C1R: variants seen among roughly 807,000 people sequenced by gnomAD.
The protein encoded by C1R is complement C1r, also known as complement C1r subcomponent.
In C1R, 15 loss-of-function variants were observed where a neutral mutation model predicts 27.6. The observed-to-expected ratio is 0.54, with a 90% CI of 0.36 to 0.84. The LOEUF (loss-of-function observed/expected upper bound fraction) is 0.84, where lower values mean the gene tolerates loss of function less well. Ranked by LOEUF, C1R falls within the 40% of genes least tolerant of loss-of-function variation. C1R has a pLI of 0.01. For missense variants in C1R, 544 were observed against 577.9 expected, an observed-to-expected ratio of 0.94 and a Z score of 0.60; for synonymous variants, 253 against 228.8, an observed-to-expected ratio of 1.11 and a Z score of -0.95.
chr12:7,090,564 C>A (rs750003269), intron 2 of C1R, among the ~76,000 whole-genome samples: 256 of 152,314 alleles, frequency 1.7e-3, no homozygotes, highest in African/African-American at 5.6e-3. Flanking sequence ...CCCCTGGGGT[C>A]CTGGTTGTCT....
chr12:7,082,036 C>T lies in C1R; in HGVS notation c.1344G>A (p.Leu448=). The T allele has an allele frequency of 6.5e-7, 1 of 1,537,026 alleles. No individual in the cohort carries two copies. Among genetic ancestry groups the T allele is most frequent in the African/African-American group, 1.4e-5 (1 of 73,156 alleles). Residue 448 remains leucine, a synonymous_variant, in exon 10 of 11, where the codon TTG becomes TTA. Transcript: ENST00000647956. ...CCCCAGAGGGTTTCCACTCACCTGG[C>T]AAGCACCGAGGAATCTTCTCTCCCT... ...EQKGEKIPRC[L]PVCGKPVNPV...
intron 9 of C1R, among the ~76,000 whole-genome samples, chr12:7,085,162 G>T (rs1938128874): frequency 6.6e-6 from 1 of 150,390 alleles, no homozygotes; most frequent in Admixed American, 6.6e-5. Context: ...TGGTGATGGT[G>T]GTGTTGGTGT....
chr12:7,086,493 A>C (rs1938159121), intron 7 of C1R, 36 bp from the exon 8 acceptor site: 1 of 398,626 alleles, frequency 2.5e-6, no homozygotes, highest in Non-Finnish European at 4.4e-6. Flanking sequence ...ATCAGTGCCA[A>C]GAGGCAATGG....
chr12:7,081,741 C>A (rs985957317), intron 10 of C1R, among the ~76,000 whole-genome samples: 2 of 152,180 alleles, frequency 1.3e-5, no homozygotes, highest in African/African-American at 4.8e-5. Flanking sequence ...GATCCGCTTG[C>A]CTTGACCTCC....
At position 7,080,470 on chromosome 12, in the gene C1R, GT is replaced by G; in HGVS notation, c.*61del. 6.6e-7 allele frequency: 1 copy of G among 1,510,002 alleles called. No homozygotes were observed. The highest frequency in any genetic ancestry group is 8.8e-7 in the Non-Finnish European group (1 of 1,131,070). The allele number at this position is 1,510,002 out of a possible 1,614,324, so 93.5% of individuals were successfully genotyped here. On this transcript the variant is annotated 3_prime_UTR_variant, in exon 11 of 11. Coordinates refer to ENST00000647956, the MANE Select transcript of C1R (RefSeq NM_001733.7). The surrounding 1 kb of genome is among the most constrained non-coding windows in gnomAD (Gnocchi z 4.9). ...CTTAGTGGTTATCAACAACTGGTCA[GT>G]TGTTTTTTGTTTTTTTTTTTCCACA...
Position 7,091,701 on chromosome 12 carries a change from A to G in C1R, c.3-21T>C, listed in dbSNP as rs1438115162. 1 of 721,934 alleles carries G rather than the reference A, an allele frequency of 1.4e-6. No homozygotes were observed. The highest frequency in any genetic ancestry group is 1.5e-5 in the South Asian group (1 of 67,778). The allele number at this position is 721,934 out of a possible 1,614,324, so 44.7% of individuals were successfully genotyped here. On this transcript the variant is annotated intron_variant, in intron 1 of 10. Coordinates refer to ENST00000647956, the MANE Select transcript of C1R (RefSeq NM_001733.7). This position sits in a 1 kb window ranked among gnomAD's most constrained non-coding sequence, Gnocchi z 5.1. ...GCCACCTGCCAAAACAAAAGAGAGTATCTGGAGCTGGAGGGGTTCAGCACT... is the reference window on the plus strand; with the variant it reads ...GCCACCTGCCAAAACAAAAGAGAGTGTCTGGAGCTGGAGGGGTTCAGCACT...
At position 7,089,318 on chromosome 12, in the gene C1R, A is replaced by G. The variant is rs1174976867; in HGVS notation, c.743T>C (p.Val248Ala). 2 of 780,410 alleles carry G rather than the reference A, an allele frequency of 2.6e-6. No homozygotes were observed. The highest frequency in any genetic ancestry group is 4.8e-6 in the Non-Finnish European group (2 of 417,904). The allele number at this position is 780,410 out of a possible 1,614,324, so 48.3% of individuals were successfully genotyped here. ...CTGTAGCTGGTCATAGGGGCAGTGT[A>G]CTTGCTGGTGGTCATCAATATCAAA... Reference protein sequence around the residue: ...EPFDIDDHQQVHCPYDQLQIY... With the variant: ...EPFDIDDHQQAHCPYDQLQIY... Residue 248 changes from valine to alanine, a missense_variant, in exon 5 of 11, where the codon GTA becomes GCA. Physicochemically the swap from Val to Ala is moderately conservative, Grantham distance 64 (BLOSUM62 0). This residue lies in a region of C1R where 291 missense variants were observed against 209.0 expected (regional missense o/e 1.39). Coordinates refer to ENST00000647956, the MANE Select transcript of C1R (RefSeq NM_001733.7).
chr12:7,088,719 G>A lies in C1R; in HGVS notation c.929C>T (p.Pro310Leu), dbSNP rs761755200. The A allele has an allele frequency of 2.8e-5, 22 of 777,612 alleles. No homozygotes were observed. The highest frequency in any genetic ancestry group is 4.8e-5 in the Non-Finnish European group (20 of 416,746). The allele number at this position is 777,612 out of a possible 1,614,324, so 48.2% of individuals were successfully genotyped here. ...GAACTCGTCTAGGGTCTTGGGCTGG[G>A]GGCACTTGATGACTGTTGGGGAGAC... is the stretch of plus-strand genomic sequence containing the variant. Reference protein sequence around the residue: ...LRYTTEIIKCPQPKTLDEFTI... With the variant: ...LRYTTEIIKCLQPKTLDEFTI... The change falls in exon 7 of 11, where the codon CCC becomes CTC. Residue 310 changes from proline (P) to leucine (L), a missense_variant. This residue lies in a region of C1R where 291 missense variants were observed against 209.0 expected (regional missense o/e 1.39). Coordinates refer to ENST00000647956, the MANE Select transcript of C1R (RefSeq NM_001733.7).
chr12:7,091,580 G>T lies in C1R; in HGVS notation c.103C>A (p.Pro35Thr). The change falls in exon 2 of 11, where the codon CCC becomes ACC. Residue 35 changes from proline to threonine, a missense_variant. Physicochemically the swap from Pro to Thr is conservative, Grantham distance 38. This residue lies in a region of C1R where 291 missense variants were observed against 209.0 expected (regional missense o/e 1.39). Transcript: ENST00000647956. This position sits in a 1 kb window ranked among gnomAD's most constrained non-coding sequence, Gnocchi z 5.1. ...TCAAAGTTGTTGGGGTAAGGCTTGGGGAACAGAGGGGAAGTCACCTCCCCA... is the reference window on the plus strand; with the variant it reads ...TCAAAGTTGTTGGGGTAAGGCTTGGTGAACAGAGGGGAAGTCACCTCCCCA... ...LFGEVTSPLF[P>T]KPYPNNFETT... The T allele has an allele frequency of 1.3e-6, 1 of 772,810 alleles. No individual in the cohort carries two copies. 47.9% of individuals were successfully genotyped at this position (772,810 alleles called of 1,614,324 possible).
Position 7,081,068 on chromosome 12 carries a change from C to A in C1R, c.1582G>T (p.Glu528Ter). ...DVFLGHTNVE[E>*]LMKLGNHPIR... is the part of the protein sequence containing the mutation. ...GGGTGATTTCCTAGCTTCATGAGCT[C>A]TTCCACATTTGTGTGGCCCAGGAAC... is the stretch of plus-strand genomic sequence containing the variant. The change falls in exon 11 of 11, where the codon GAG (glutamate) becomes TAG (stop). Residue 528 changes from glutamate to a stop codon, truncating the protein, a stop_gained. Transcript: ENST00000647956. LOFTEE classifies it low-confidence loss of function (END_TRUNC). 1 of 1,614,068 alleles carries A rather than the reference C, an allele frequency of 6.2e-7. No homozygotes were observed. The highest frequency in any genetic ancestry group is 8.5e-7 in the Non-Finnish European group (1 of 1,179,900).
At chr12:7,084,956 G>A (rs929640530) in intron 9 of C1R, among the ~76,000 whole-genome samples, 8 of 149,552 alleles carry the variant, frequency 5.3e-5, no homozygotes, top group Non-Finnish European at 8.8e-5. Context: ...TGATGATGAT[G>A]TTGGTAATGG....
intron 8 of C1R, 142 bp from the exon 9 acceptor site, chr12:7,086,158 G>A: frequency 2.5e-6 from 1 of 397,784 alleles, no homozygotes; most frequent in Non-Finnish European, 4.4e-6. Context: ...GCAATGGACA[G>A]GAGTTGGGTG....
At position 7,091,834 on chromosome 12, in the gene C1R, G is replaced by A. The variant is rs149090481; in HGVS notation, c.3-154C>T. 5.7e-6 allele frequency: 4 copies of A among 702,872 alleles called. No homozygotes were observed. The highest frequency in any genetic ancestry group is 2.0e-5 in the Admixed American group (1 of 49,952). 43.5% of individuals were successfully genotyped at this position (702,872 alleles called of 1,614,324 possible). On this transcript the variant is annotated intron_variant, in intron 1 of 10. Transcript: ENST00000647956. This position sits in a 1 kb window ranked among gnomAD's most constrained non-coding sequence, Gnocchi z 5.1. ...ACAGACATGTTCTCAGCAGGGGTGC[G>A]TGGGTGGGGAGGATGGCCTGTGCAG...
Position 7,080,976 on chromosome 12 carries a change from G to A in C1R, c.1674C>T (p.Ile558=), listed in dbSNP as rs1938048377. The A allele has an allele frequency of 2.5e-6, 4 of 1,613,816 alleles. No homozygotes were observed. The highest frequency in any genetic ancestry group is 1.7e-4 in the Middle Eastern group (1 of 6,060). Residue 558 remains isoleucine (I), a synonymous_variant, in exon 11 of 11, where the codon ATC becomes ATT. Transcript: ENST00000647956. The surrounding 1 kb of genome is among the most constrained non-coding windows in gnomAD (Gnocchi z 4.9). ...QDESYNFEGD[I]ALLELENSVT... Reference sequence around the variant, plus strand: ...CACTATTTTCCAGCTCCAGCAGGGCGATGTCCCCCTCAAAATTGTAGGACT... The same window carrying A: ...CACTATTTTCCAGCTCCAGCAGGGCAATGTCCCCCTCAAAATTGTAGGACT...
At chr12:7,088,359 T>C in intron 7 of C1R, 2 of 684,686 alleles carry the variant, frequency 2.9e-6, no homozygotes, top group South Asian at 1.5e-5. Context: ...AGAGTCTTGC[T>C]ATATTGCTCA....
In C1R at chr12:7,080,662, G is replaced by A. The variant is rs865964533; in HGVS notation, c.1988C>T (p.Pro663Leu). Reference protein sequence around the residue: ...DSGGVFAVRDPNTDRWVATGI... With the variant: ...DSGGVFAVRDLNTDRWVATGI... The stretch of plus-strand genomic sequence containing the variant: ...CGTGGCCACCCAGCGATCAGTGTTC[G>A]GGTCCCTTACTGCAAAAACGCCCCC... The change falls in exon 11 of 11, where the codon CCG (proline) becomes CTG (leucine). Residue 663 changes from proline (P) to leucine (L), a missense_variant. Around this residue, in one of 2 missense-constraint regions of C1R, gnomAD observed 253 missense variants for 368.9 expected, o/e 0.69. Transcript: ENST00000647956. This position sits in a 1 kb window ranked among gnomAD's most constrained non-coding sequence, Gnocchi z 4.9. 5 of 1,613,878 alleles carry A rather than the reference G, an allele frequency of 3.1e-6. No individual in the cohort carries two copies. Among genetic ancestry groups the A allele is most frequent in the South Asian group, 1.1e-5 (1 of 91,078 alleles).
chr12:7,082,146 G>A (rs902566595), intron 9 of C1R, 40 bp from the exon 10 acceptor site: 1 of 1,220,426 alleles, frequency 8.2e-7, no homozygotes, highest in African/African-American at 1.5e-5. Context: ...GGGGGGTGAT[G>A]GGTAAGAAAA....
rs2135741291 is a variant in C1R at position 7,086,347 on chromosome 12, C to A, written c.1117+32G>T. The A allele has an allele frequency of 1.0e-5, 4 of 398,524 alleles. No homozygotes were observed. The South Asian group carries it at 3.8e-4, about 38-fold the overall frequency. The allele number at this position is 398,524 out of a possible 1,614,324, so 24.7% of individuals were successfully genotyped here. ...GTCCTCAAGGCAGGAGGTGGGAGGT[C>A]CCCAGGGTCATATCCCTGAATTGTG... On this transcript the variant is annotated intron_variant, in intron 8 of 10. Transcript: ENST00000647956.
chr12:7,084,874 A>T (rs1483566308), intron 9 of C1R, among the ~76,000 whole-genome samples: 1 of 134,752 alleles, frequency 7.4e-6, no homozygotes, highest in Non-Finnish European at 1.6e-5. Flanking sequence ...TAATGGTGGT[A>T]GTGATCATGG....
Sources: allele counts gnomAD v4.1 joint callset (sites outside exome capture counted in the v4.1 genomes callset), GRCh38; gene constraint gnomAD v4.1.1; regional missense constraint gnomAD v4.1.1; non-coding constraint Gnocchi (gnomAD v3.1); transcripts MANE v1.5; gene names NCBI Gene and HGNC (gene_info 2026-07-23, HGNC 2026-07-21).